The following RTF1 variants were observed in gnomAD, a reference collection of about 807,000 sequenced individuals.
RTF1 encodes RTF1 homolog, Paf1/RNA polymerase II complex component, also known as RNA polymerase-associated protein RTF1 homolog.
A neutral mutation model predicts 95.7 loss-of-function variants in RTF1; 10 were observed. That is an observed-to-expected ratio of 0.10 (90% CI 0.06 to 0.18). The LOEUF is 0.18. RTF1 is among the 10% of genes least tolerant of loss of function. The pLI is 1.00. For synonymous variants in RTF1, 305 were observed against 311.8 expected (o/e 0.98, Z 0.23); for missense variants, 458 against 875.6 (o/e 0.52, Z 6.02).
chr15:41,482,342 G>A lies in RTF1; in HGVS notation c.*1655G>A, dbSNP rs894817880. 2.0e-5 allele frequency: 3 copies of A among 152,480 alleles called. No homozygotes were observed. Among genetic ancestry groups the A allele is most frequent in the African/African-American group, 7.2e-5 (3 of 41,412 alleles). 9.4% of individuals were successfully genotyped at this position (152,480 alleles called of 1,614,324 possible). ...TATATATACCAAGAGCTAAGCTAAAGGAACAGCTGAGAGCTCCGATCTCCA... is the reference window on the plus strand; with the variant it reads ...TATATATACCAAGAGCTAAGCTAAAAGAACAGCTGAGAGCTCCGATCTCCA... On this transcript the variant is annotated 3_prime_UTR_variant, in exon 18 of 18. Transcript: ENST00000389629.
chr15:41,468,796 G>T (rs2050894898), intron 6 of RTF1, among the ~76,000 whole-genome samples: 1 of 152,180 alleles, frequency 6.6e-6, no homozygotes, highest in Non-Finnish European at 1.5e-5. Context: ...GCAACATAGT[G>T]AGACCCTGTT....
At chr15:41,447,044 C>A (rs745464107) in intron 2 of RTF1, among the ~76,000 whole-genome samples, 10 of 152,110 alleles carry the variant, frequency 6.6e-5, no homozygotes, top group Non-Finnish European at 1.2e-4. Flanking sequence ...CTCAAGTGAT[C>A]CACCTGCCTC....
chr15:41,456,096 C>T (rs1203886873), intron 3 of RTF1, among the ~76,000 whole-genome samples: 1 of 151,458 alleles, frequency 6.6e-6, no homozygotes, highest in Non-Finnish European at 1.5e-5. Flanking sequence ...GTCCCTGTTA[C>T]TTGGGAGGCT....
intron 7 of RTF1, 135 bp downstream of exon 7, chr15:41,470,527 C>A (rs1019811351): frequency 1.1e-6 from 1 of 871,516 alleles, no homozygotes; most frequent in Admixed American, 2.1e-5. Context: ...GAACTGAGTT[C>A]CCCAGCACGT....
intron 4 of RTF1, among the ~76,000 whole-genome samples, chr15:41,458,744 C>T (rs1290656860): frequency 6.6e-6 from 1 of 151,060 alleles, no homozygotes; most frequent in Non-Finnish European, 1.5e-5. Context: ...GAGACTCTGT[C>T]TCAATAAAAA....
At chr15:41,448,447 C>T (rs756668497) in intron 2 of RTF1, among the ~76,000 whole-genome samples, 1 of 152,058 alleles carries the variant, frequency 6.6e-6, no homozygotes, top group Non-Finnish European at 1.5e-5. Flanking sequence ...CAGGCAGACC[C>T]CCTGAGGTCA....
rs559876353 is a variant in RTF1 at position 41,443,245 on chromosome 15, A to G, written c.309+4814A>G. Among the ~76,000 whole-genome samples, 43 of 152,364 alleles carry G rather than the reference A, an allele frequency of 2.8e-4. 2 individuals are homozygous for G. In the South Asian group the frequency reaches 8.5e-3, roughly 30 times the overall value. On this transcript the variant is annotated intron_variant, in intron 2 of 17. Coordinates refer to ENST00000389629, the MANE Select transcript of RTF1 (RefSeq NM_015138.5). ...AAAATGGGTACACTGGACATTCAGT[A>G]TAATGTCATATTAGTGAGGAAATAA... is the stretch of plus-strand genomic sequence containing the variant.
rs557851704 is a variant in RTF1, at chr15:41,443,252, C to G, written c.309+4821C>G. Among the ~76,000 whole-genome samples the G allele has an allele frequency of 1.1e-4, 17 of 152,172 alleles. No individual in the cohort carries two copies. In the East Asian group the frequency reaches 3.3e-3, roughly 29 times the overall value. On this transcript the variant is annotated intron_variant, in intron 2 of 17. Transcript: ENST00000389629. ...GTACACTGGACATTCAGTATAATGT[C>G]ATATTAGTGAGGAAATAAGTAGATG...
chr15:41,458,662 T>C (rs1267131346), intron 4 of RTF1, among the ~76,000 whole-genome samples: 2 of 151,826 alleles, frequency 1.3e-5, no homozygotes, highest in Non-Finnish European at 2.9e-5. Context: ...GGCAGGAGAA[T>C]TGCTTCAACC....
At position 41,480,746 on chromosome 15, in the gene RTF1, T is replaced by G; in HGVS notation, c.*59T>G. ...CCCCATCGCAGCGTCCCACCTTTCC[T>G]CCTTTCCTTTGATTTAGCCTCTTTG... On this transcript the variant is annotated 3_prime_UTR_variant, in exon 18 of 18. Transcript: ENST00000389629. The G allele has an allele frequency of 8.0e-7, 1 of 1,247,798 alleles. No homozygotes were observed. Among genetic ancestry groups the G allele is most frequent in the East Asian group, 2.3e-5 (1 of 43,184 alleles). The allele number at this position is 1,247,798 out of a possible 1,614,324, so 77.3% of individuals were successfully genotyped here. A position where few individuals can be genotyped will look rare whatever the true frequency, so the allele number is the denominator to read the frequency against.
In RTF1 at chr15:41,480,216, T is replaced by A; in HGVS notation, c.1917T>A (p.Gly639=). Residue 639 remains glycine (G), a splice_region_variant and synonymous_variant, in exon 17 of 18, where the codon GGT becomes GGA. Coordinates refer to ENST00000389629, the MANE Select transcript of RTF1 (RefSeq NM_015138.5). ...LPDAPKEMSK[G]QGKDKDLNSK... is the part of the protein sequence containing the mutation. ...TAGCTTTCCTCTTCACATTCCAGGG[T>A]CAAGGCAAAGATAAAGATTTGAATT... 6.2e-7 allele frequency: 1 copy of A among 1,604,704 alleles called. No individual in the cohort carries two copies. The highest frequency in any genetic ancestry group is 8.5e-7 in the Non-Finnish European group (1 of 1,171,474).
intron 6 of RTF1, among the ~76,000 whole-genome samples, 194 bp from the exon 7 acceptor site, chr15:41,470,063 C>T (rs1328701782): frequency 6.6e-6 from 1 of 152,142 alleles, no homozygotes; most frequent in Non-Finnish European, 1.5e-5. Context: ...TCTGCTGGGG[C>T]CTGACATTTG....
chr15:41,429,449 T>C (rs989065890), intron 1 of RTF1, among the ~76,000 whole-genome samples: 11 of 150,360 alleles, frequency 7.3e-5, no homozygotes, highest in Non-Finnish European at 1.3e-4. Flanking sequence ...TTTTTTTTTT[T>C]CTCTCTCTCT....
rs1304609767 is a variant in RTF1 at position 41,438,316 on chromosome 15, A to G, written c.199-5A>G. 3 of 1,546,420 alleles carry G rather than the reference A, an allele frequency of 1.9e-6. No individual in the cohort carries two copies. Among genetic ancestry groups the G allele is most frequent in the East Asian group, 4.9e-5 (2 of 40,772 alleles). The stretch of plus-strand genomic sequence containing the variant: ...AAACTGATGTGCCTATTTTTGTCCC[A>G]TTAGGAGCTCTTGTCCCTGGCAAAG... On this transcript the variant is annotated splice_region_variant and splice_polypyrimidine_tract_variant and intron_variant, in intron 1 of 17. Transcript: ENST00000389629.
chr15:41,471,431 C>G, intron 8 of RTF1, 82 bp downstream of exon 8: 5 of 1,374,672 alleles, frequency 3.6e-6, no homozygotes, highest in Non-Finnish European at 4.0e-6. Flanking sequence ...CTGAAAAAAT[C>G]GATCACTCTT....
intron 1 of RTF1, among the ~76,000 whole-genome samples, chr15:41,418,152 AG>A (rs1187007341): frequency 6.6e-6 from 1 of 152,208 alleles, no homozygotes; most frequent in African/African-American, 2.4e-5. Context: ...AAAACATTGT[AG>A]GGAGGAATCT....
At chr15:41,437,001 C>T (rs4602013) in intron 1 of RTF1, among the ~76,000 whole-genome samples, 3,928 of 144,374 alleles carry the variant, frequency 0.027, 79 homozygotes, top group South Asian at 0.07. Flanking sequence ...TCAGGAGAAT[C>T]GCTTGAACCC....
chr15:41,461,388 G>T (rs560153924), intron 4 of RTF1, among the ~76,000 whole-genome samples: 1 of 152,136 alleles, frequency 6.6e-6, no homozygotes, highest in African/African-American at 2.4e-5. Flanking sequence ...CACTATGTTG[G>T]CCAGGCTGGT....
At chr15:41,432,601 T>C (rs1237380490) in intron 1 of RTF1, among the ~76,000 whole-genome samples, 5 of 152,144 alleles carry the variant, frequency 3.3e-5, no homozygotes, top group African/African-American at 1.2e-4. Flanking sequence ...TATGGTTTGA[T>C]TGATAGCAAA....
Sources: allele counts gnomAD v4.1 joint callset (sites outside exome capture counted in the v4.1 genomes callset), GRCh38; gene constraint gnomAD v4.1.1; transcripts MANE v1.5; gene names NCBI Gene and HGNC (gene_info 2026-07-23, HGNC 2026-07-21).